Variants in SMARCC1 observed in about 807,000 individuals in gnomAD.
SMARCC1 encodes SWI/SNF complex subunit SMARCC1.
A neutral mutation model predicts 147.4 loss-of-function variants in SMARCC1; 43 were observed. The observed-to-expected ratio is 0.29, with a 90% CI of 0.23 to 0.38. The LOEUF (loss-of-function observed/expected upper bound fraction) is 0.38, where lower values mean the gene tolerates loss of function less well. Ranked by LOEUF, SMARCC1 falls within the 10% of genes least tolerant of loss-of-function variation. The probability of loss-of-function intolerance (pLI) is 1.00; values close to 1 mark genes in which losing one functional copy is unlikely to be tolerated. For missense variants in SMARCC1, 1,119 were observed against 1,381.1 expected, an observed-to-expected ratio of 0.81 and a Z score of 3.01; for synonymous variants, 495 against 484.4, an observed-to-expected ratio of 1.02 and a Z score of -0.29.
At chr3:47,655,377 TGACAAAGCGA>T (rs1559636121) in intron 21 of SMARCC1, among the ~76,000 whole-genome samples, 1 of 151,732 alleles carries the variant, frequency 6.6e-6, no homozygotes, top group African/African-American at 2.4e-5. Flanking sequence ...CCAGCCTGGG[TGACAAAGCGA>T]GACACTGTCT....
At chr3:47,659,087 C>T (rs149748968) in intron 21 of SMARCC1, among the ~76,000 whole-genome samples, 1,433 of 136,934 alleles carry the variant, frequency 0.01, 12 homozygotes, top group East Asian at 0.019. Flanking sequence ...CATTGCACTC[C>T]AGCCTGGGTG....
In SMARCC1 at chr3:47,709,470, G is replaced by A. The variant is rs2034058211; in HGVS notation, c.918+1213C>T. Among the ~76,000 whole-genome samples the A allele has an allele frequency of 1.3e-5, 2 of 151,790 alleles. 1 individual carries two copies. Among genetic ancestry groups the A allele is most frequent in the South Asian group, 4.2e-4 (2 of 4,810 alleles). ...AGAGGCCGAGGCAGTCAGATCACCT[G>A]AGGTTAAGAGTTCAAGACCAGCCTG... is the stretch of plus-strand genomic sequence containing the variant. On this transcript the variant is annotated intron_variant, in intron 9 of 27. Transcript: ENST00000254480.
chr3:47,721,759 C>T (rs1416622430), intron 6 of SMARCC1, among the ~76,000 whole-genome samples: 1 of 151,970 alleles, frequency 6.6e-6, no homozygotes, highest in Non-Finnish European at 1.5e-5. Context: ...GCCTGTAATC[C>T]CAGCACTTTT....
chr3:47,685,920 T>TC (rs1050965292), intron 14 of SMARCC1, 129 bp downstream of exon 14: 3 of 686,874 alleles, frequency 4.4e-6, no homozygotes, highest in Non-Finnish European at 7.4e-6. Flanking sequence ...AAAATCACTC[T>TC]CCATCTCCCT....
chr3:47,629,059 C>T (rs1274556712), intron 24 of SMARCC1, among the ~76,000 whole-genome samples: 1 of 152,146 alleles, frequency 6.6e-6, no homozygotes, highest in South Asian at 2.1e-4. Flanking sequence ...AACAATTCTG[C>T]GAGTAGGACT....
intron 21 of SMARCC1, among the ~76,000 whole-genome samples, chr3:47,650,583 A>T (rs1360363523): frequency 1.3e-5 from 2 of 152,086 alleles, no homozygotes; most frequent in African/African-American, 4.8e-5. Context: ...TGAGAGGCCA[A>T]GGTGGGATGA....
chr3:47,652,302 T>C (rs771018807), intron 21 of SMARCC1, among the ~76,000 whole-genome samples: 7 of 151,996 alleles, frequency 4.6e-5, no homozygotes, highest in African/African-American at 9.7e-5. Context: ...CAGTGGCATA[T>C]AGAGGAAGTC....
At chr3:47,756,273 C>T (rs369699510) in intron 2 of SMARCC1, among the ~76,000 whole-genome samples, 122 of 151,930 alleles carry the variant, frequency 8.0e-4, no homozygotes, top group African/African-American at 2.9e-3. Context: ...GTGGCTCATG[C>T]CTGTAATCCT....
At position 47,647,491 on chromosome 3, in the gene SMARCC1, T is replaced by G. The variant is rs145025242; in HGVS notation, c.2321-8711A>C. Among the ~76,000 whole-genome samples the G allele has an allele frequency of 7.1e-4, 108 of 152,350 alleles. 1 individual carries two copies. The highest frequency in any genetic ancestry group is 2.5e-3 in the African/African-American group (104 of 41,588). Reference sequence around the variant, plus strand: ...TTTTTGACATATTTTCAACTTATAATGAGTTTATCAGAATGTAATCCCATT... The same window carrying G: ...TTTTTGACATATTTTCAACTTATAAGGAGTTTATCAGAATGTAATCCCATT... On this transcript the variant is annotated intron_variant, in intron 21 of 27. Transcript: ENST00000254480.
intron 24 of SMARCC1, among the ~76,000 whole-genome samples, chr3:47,634,873 A>G (rs578262115): frequency 2.0e-5 from 3 of 152,394 alleles, no homozygotes; most frequent in African/African-American, 7.2e-5. Context: ...ATAGTCCAAG[A>G]TAAGTTCTGC....
At chr3:47,718,822 C>G (rs1347768776) in intron 7 of SMARCC1, among the ~76,000 whole-genome samples, 1 of 152,064 alleles carries the variant, frequency 6.6e-6, no homozygotes, top group Non-Finnish European at 1.5e-5. Context: ...TAAAACTGCT[C>G]TACTATAGGT....
chr3:47,715,423 T>C (rs1330003808), intron 7 of SMARCC1, among the ~76,000 whole-genome samples: 2 of 152,194 alleles, frequency 1.3e-5, no homozygotes, highest in Non-Finnish European at 2.9e-5. Flanking sequence ...GGAAACAGCC[T>C]TGATTCCATT....
At chr3:47,734,833 C>A (rs1559657906) in intron 5 of SMARCC1, among the ~76,000 whole-genome samples, 1 of 152,232 alleles carries the variant, frequency 6.6e-6, no homozygotes, top group African/African-American at 2.4e-5. Context: ...TCTCAGCTCA[C>A]TGCAACCTCC....
chr3:47,653,049 C>A (rs573497915), intron 21 of SMARCC1, among the ~76,000 whole-genome samples: 1 of 151,818 alleles, frequency 6.6e-6, no homozygotes, highest in East Asian at 1.9e-4. Flanking sequence ...CTCCGCTTCC[C>A]GGGTTCACGC....
Position 47,678,276 on chromosome 3 carries a change from T to C in SMARCC1, c.1493A>G (p.Tyr498Cys), listed in dbSNP as rs1288974335. Residue 498 changes from tyrosine to cysteine, a missense_variant, in exon 16 of 28, where the codon TAT becomes TGT. Tyr to Cys is a radical substitution (Grantham distance 194). Transcript: ENST00000254480. ...TAAATACTCTTGGGGGTTTAGACGA[T>C]ACGTGTCAATCATAAAATTTCGATA... ...LAYRNFMIDT[Y>C]RLNPQEYLTS... is the part of the protein sequence containing the mutation. 3.8e-6 allele frequency: 6 copies of C among 1,599,420 alleles called. No homozygotes were observed. The highest frequency in any genetic ancestry group is 5.1e-6 in the Non-Finnish European group (6 of 1,173,538).
chr3:47,700,652 G>GT (rs1277646487), intron 11 of SMARCC1, among the ~76,000 whole-genome samples: 19 of 152,136 alleles, frequency 1.2e-4, no homozygotes, highest in African/African-American at 4.6e-4. Context: ...AGCCTCTGGA[G>GT]TAGCGGGAAT....
At chr3:47,698,005 CAAAAAA>C (rs71070213) in intron 11 of SMARCC1, among the ~76,000 whole-genome samples, 286 of 12,440 alleles carry the variant, frequency 0.023, no homozygotes, top group Non-Finnish European at 0.029. Flanking sequence ...GCCTCCGCCT[CAAAAAA>C]AAAAAAAAAA....
chr3:47,609,225 A>G (rs1252654804), intron 26 of SMARCC1, among the ~76,000 whole-genome samples: 26 of 152,312 alleles, frequency 1.7e-4, no homozygotes, highest in Admixed American at 1.4e-3. Context: ...GGCCAGGCGC[A>G]GTGGCTCACG....
chr3:47,614,607 A>G (rs191340753), intron 25 of SMARCC1, among the ~76,000 whole-genome samples: 2 of 152,258 alleles, frequency 1.3e-5, no homozygotes, highest in Admixed American at 1.3e-4. Flanking sequence ...TCTATCTTGA[A>G]ATTCCACCCA....
Sources: gnomAD v4.1 joint callset for allele counts (sites outside exome capture counted in the v4.1 genomes callset) on GRCh38, gnomAD v4.1.1 for gene constraint, MANE v1.5 for transcripts, NCBI Gene and HGNC (gene_info 2026-07-23, HGNC 2026-07-21) for gene names.